Variants in SCAPER observed in about 807,000 individuals in gnomAD.
The protein encoded by SCAPER is S-phase cyclin A associated protein in the ER.
SCAPER carries 98 observed loss-of-function variants against 182.2 expected under a neutral mutation model. That is an observed-to-expected ratio of 0.54 (90% CI 0.46 to 0.64). SCAPER has a LOEUF of 0.64. Among genes scored for constraint, SCAPER ranks in the 30% least tolerant of loss-of-function variants. The pLI, the probability that SCAPER is intolerant of heterozygous loss-of-function variation, is 0.00. For synonymous variants in SCAPER, 605 were observed against 564.6 expected (o/e 1.07, Z -1.01); for missense variants, 1,432 against 1,690.0 (o/e 0.85, Z 2.68).
intron 17 of SCAPER, among the ~76,000 whole-genome samples, chr15:76,712,196 T>C (rs1434888499): frequency 6.6e-6 from 1 of 152,218 alleles, no homozygotes; most frequent in Admixed American, 6.5e-5. Flanking sequence ...AAATAGGGAA[T>C]CCTTTCCCCA....
intron 15 of SCAPER, among the ~76,000 whole-genome samples, chr15:76,745,986 A>G (rs74798209): frequency 0.016 from 2,373 of 152,350 alleles, 63 homozygotes; most frequent in African/African-American, 0.055. Context: ...AGCCATAAGT[A>G]ACAGGATGAG....
chr15:76,875,388 C>A (rs897292653), intron 2 of SCAPER, among the ~76,000 whole-genome samples: 5 of 152,056 alleles, frequency 3.3e-5, no homozygotes, highest in Admixed American at 3.3e-4. Context: ...TGCCTGTAAT[C>A]CCAGAAAAAC....
At chr15:76,639,053 A>C (rs1334037798) in intron 21 of SCAPER, among the ~76,000 whole-genome samples, 1 of 152,188 alleles carries the variant, frequency 6.6e-6, no homozygotes, top group Non-Finnish European at 1.5e-5. Context: ...TAAAAACAGA[A>C]AGGAAGAATA....
At chr15:76,420,786 A>G (rs1039269230) in intron 26 of SCAPER, among the ~76,000 whole-genome samples, 3 of 152,112 alleles carry the variant, frequency 2.0e-5, no homozygotes, top group Non-Finnish European at 2.9e-5. Flanking sequence ...CCACCCCATG[A>G]CAGGCCCCGG....
intron 26 of SCAPER, among the ~76,000 whole-genome samples, chr15:76,425,720 C>T (rs751242881): frequency 1.3e-5 from 2 of 152,144 alleles, no homozygotes; most frequent in African/African-American, 2.4e-5. Context: ...AGCTTTTCTG[C>T]TCTGTTTTTT....
chr15:76,364,436 C>A (rs1037994280), intron 29 of SCAPER, among the ~76,000 whole-genome samples: 1 of 152,140 alleles, frequency 6.6e-6, no homozygotes, highest in African/African-American at 2.4e-5. Flanking sequence ...TAGTTGGGGG[C>A]TTGCCTTTTA....
intron 26 of SCAPER, among the ~76,000 whole-genome samples, chr15:76,410,161 A>C (rs896979185): frequency 1.3e-5 from 2 of 152,018 alleles, no homozygotes; most frequent in Non-Finnish European, 2.9e-5. Context: ...GTCCCAGGGC[A>C]CCCCTATATT....
chr15:76,546,185 C>A (rs2045266407), intron 23 of SCAPER, among the ~76,000 whole-genome samples: 1 of 152,084 alleles, frequency 6.6e-6, no homozygotes, highest in Non-Finnish European at 1.5e-5. Flanking sequence ...CCAAGATACA[C>A]CCCAGGGTAG....
At chr15:76,494,644 C>A (rs1197917443) in intron 24 of SCAPER, among the ~76,000 whole-genome samples, 1 of 152,066 alleles carries the variant, frequency 6.6e-6, no homozygotes, top group Non-Finnish European at 1.5e-5. Context: ...GTAAGAGATC[C>A]AACCAAGAAC....
chr15:76,535,994 C>T (rs2044127796), intron 23 of SCAPER, among the ~76,000 whole-genome samples: 1 of 152,106 alleles, frequency 6.6e-6, no homozygotes, highest in Admixed American at 6.6e-5. Context: ...GGTTTTCTTC[C>T]AGTAATTTGT....
chr15:76,460,705 T>C (rs1369174544), intron 25 of SCAPER, among the ~76,000 whole-genome samples: 1 of 152,172 alleles, frequency 6.6e-6, no homozygotes, highest in Non-Finnish European at 1.5e-5. Flanking sequence ...CCCTTTTAAA[T>C]TCTCTTTCCA....
intron 23 of SCAPER, among the ~76,000 whole-genome samples, chr15:76,569,877 A>G (rs1322425005): frequency 1.3e-5 from 2 of 152,066 alleles, no homozygotes; most frequent in Non-Finnish European, 2.9e-5. Context: ...AATGTGCTAT[A>G]TATCTTTAAA....
intron 8 of SCAPER, 159 bp downstream of exon 8, chr15:76,795,121 G>T (rs2065234552): frequency 7.5e-6 from 5 of 668,650 alleles, no homozygotes; most frequent in Non-Finnish European, 9.2e-6. Flanking sequence ...CTGAAAAGTA[G>T]TTTTGCTCGG....
intron 26 of SCAPER, among the ~76,000 whole-genome samples, chr15:76,410,137 A>AT (rs1257522128): frequency 2.0e-5 from 3 of 151,964 alleles, no homozygotes; most frequent in African/African-American, 7.3e-5. Flanking sequence ...GTTTATGAAT[A>AT]TTTTCCCTTG....
At chr15:76,679,889 T>G (rs1475799381) in intron 20 of SCAPER, among the ~76,000 whole-genome samples, 1 of 152,234 alleles carries the variant, frequency 6.6e-6, no homozygotes, top group Admixed American at 6.5e-5. Context: ...TAATTTATCA[T>G]GCTGTGAAGA....
chr15:76,370,307 T>G lies in SCAPER; in HGVS notation c.3855+5855A>C, dbSNP rs1014505115. Reference sequence around the variant, plus strand: ...ACCATTTCAATTTTTTTTTTTTTTTTTTTTTTTTTGTTTTAAAGACAGAGT... The same window carrying G: ...ACCATTTCAATTTTTTTTTTTTTTTGTTTTTTTTTGTTTTAAAGACAGAGT... On this transcript the variant is annotated intron_variant, in intron 29 of 31. Coordinates refer to ENST00000563290, the MANE Select transcript of SCAPER (RefSeq NM_020843.4). 5.0e-5 allele frequency among the ~76,000 whole-genome samples: 5 copies of G among 99,942 alleles called. No homozygotes were observed. In the East Asian group the frequency reaches 7.7e-4, roughly 15 times the overall value. 65.6% of individuals were successfully genotyped at this position (99,942 alleles called of 152,430 possible).
At chr15:76,522,357 G>GA (rs1250494646) in intron 23 of SCAPER, among the ~76,000 whole-genome samples, 1 of 152,112 alleles carries the variant, frequency 6.6e-6, no homozygotes, top group Non-Finnish European at 1.5e-5. Flanking sequence ...TCACCAGTAG[G>GA]AAGTCAGTTA....
Position 76,471,278 on chromosome 15 carries a change from G to A in SCAPER, c.3012C>T (p.Asn1004=). 6.2e-7 allele frequency: 1 copy of A among 1,612,482 alleles called. No homozygotes were observed. The highest frequency in any genetic ancestry group is 1.1e-5 in the South Asian group (1 of 90,940). Residue 1004 remains asparagine, a synonymous_variant, in exon 25 of 32, where the codon AAC becomes AAT. Coordinates refer to ENST00000563290, the MANE Select transcript of SCAPER (RefSeq NM_020843.4). The stretch of plus-strand genomic sequence containing the variant: ...TGTTACTAAACAGAACATCACTGCA[G>A]TTTTCTGAACAGTTATTGCAGGTGA... ...YNLTCNNCSE[N]CSDVLFSNKI...
chr15:76,549,970 T>TA (rs1445675269), intron 23 of SCAPER, among the ~76,000 whole-genome samples: 2 of 151,978 alleles, frequency 1.3e-5, no homozygotes, highest in Non-Finnish European at 2.9e-5. Flanking sequence ...GACATCAAGC[T>TA]AAAAAACTTC....
Sources: allele counts gnomAD v4.1 joint callset (sites outside exome capture counted in the v4.1 genomes callset), GRCh38; gene constraint gnomAD v4.1.1; transcripts MANE v1.5; gene names NCBI Gene and HGNC (gene_info 2026-07-23, HGNC 2026-07-21).